The following NLGN1 variants were observed in gnomAD, a reference collection of about 807,000 sequenced individuals.
NLGN1 encodes the protein neuroligin 1, also known as neuroligin-1.
NLGN1 carries 12 observed loss-of-function variants against 65.5 expected under a neutral mutation model. The observed-to-expected ratio is 0.18, with a 90% CI of 0.12 to 0.30. The LOEUF (loss-of-function observed/expected upper bound fraction) is 0.30. NLGN1 is among the 10% of genes least tolerant of loss of function. The pLI, the probability that NLGN1 is intolerant of heterozygous loss-of-function variation, is 1.00. For missense variants in NLGN1, 750 were observed against 1,007.1 expected (o/e 0.74, Z 3.46); for synonymous variants, 350 against 359.5 (o/e 0.97, Z 0.30).
intron 2 of NLGN1, among the ~76,000 whole-genome samples, chr3:173,518,173 C>T (rs974162537): frequency 6.6e-6 from 1 of 152,104 alleles, no homozygotes; most frequent in Non-Finnish European, 1.5e-5. Context: ...AGACAAATTT[C>T]TTTTTGCCAA....
At chr3:173,635,722 AT>A (rs1182133632) in intron 3 of NLGN1, among the ~76,000 whole-genome samples, 1 of 152,102 alleles carries the variant, frequency 6.6e-6, no homozygotes, top group Non-Finnish European at 1.5e-5. Flanking sequence ...ACTGTTATTA[AT>A]TAGAGGCATA....
chr3:173,835,586 C>CACACACACACAT (rs1284990109), intron 4 of NLGN1, among the ~76,000 whole-genome samples: 2 of 149,428 alleles, frequency 1.3e-5, no homozygotes, highest in Non-Finnish European at 3.0e-5. Context: ...CACATACACA[C>CACACACACACAT]ACACACACAC....
intron 2 of NLGN1, among the ~76,000 whole-genome samples, chr3:173,485,590 A>G (rs1390770639): frequency 1.3e-5 from 2 of 152,110 alleles, no homozygotes; most frequent in African/African-American, 2.4e-5. Flanking sequence ...CTCTCTTAAT[A>G]TTTTCAGTTC....
chr3:173,534,432 C>T (rs1186643491), intron 2 of NLGN1, among the ~76,000 whole-genome samples: 1 of 152,126 alleles, frequency 6.6e-6, no homozygotes, highest in Non-Finnish European at 1.5e-5. Context: ...TTCAAACTGG[C>T]CCCAGCTGGG....
At chr3:173,713,219 G>A (rs2149958265) in intron 3 of NLGN1, among the ~76,000 whole-genome samples, 1 of 152,248 alleles carries the variant, frequency 6.6e-6, no homozygotes, top group South Asian at 2.1e-4. Flanking sequence ...ATAATGTGAA[G>A]TAAGAATAAA....
chr3:174,022,450 C>T (rs1361245039), intron 4 of NLGN1, among the ~76,000 whole-genome samples: 1 of 152,078 alleles, frequency 6.6e-6, no homozygotes, highest in Non-Finnish European at 1.5e-5. Context: ...AAGAGAGAGT[C>T]ATCTTTTAAA....
intron 3 of NLGN1, among the ~76,000 whole-genome samples, chr3:173,740,982 A>G (rs1003613043): frequency 1.8e-4 from 28 of 152,176 alleles, no homozygotes; most frequent in African/African-American, 6.8e-4. Flanking sequence ...TTTATAAAAC[A>G]CGCAAAGTAT....
At chr3:173,918,890 A>G (rs1291581086) in intron 4 of NLGN1, among the ~76,000 whole-genome samples, 1 of 152,080 alleles carries the variant, frequency 6.6e-6, no homozygotes, top group African/African-American at 2.4e-5. Flanking sequence ...TGGTGGCTCT[A>G]GTAGAGAATC....
chr3:173,759,399 A>G (rs1777618021), intron 3 of NLGN1, among the ~76,000 whole-genome samples: 1 of 151,974 alleles, frequency 6.6e-6, no homozygotes, highest in Admixed American at 6.6e-5. Context: ...TAGTTTCACC[A>G]CCAACATGGT....
intron 2 of NLGN1, among the ~76,000 whole-genome samples, chr3:173,535,689 T>G (rs1372390508): frequency 6.6e-6 from 1 of 152,224 alleles, no homozygotes; most frequent in Non-Finnish European, 1.5e-5. Flanking sequence ...AAGACCCACT[T>G]TTAATAATGG....
At chr3:173,679,986 G>A (rs897983566) in intron 3 of NLGN1, among the ~76,000 whole-genome samples, 6 of 152,184 alleles carry the variant, frequency 3.9e-5, no homozygotes, top group African/African-American at 1.4e-4. Flanking sequence ...TTCTACAGAA[G>A]AGAAAATATT....
chr3:173,586,735 A>G (rs1017967174), intron 2 of NLGN1, among the ~76,000 whole-genome samples: 1 of 152,126 alleles, frequency 6.6e-6, no homozygotes, highest in Non-Finnish European at 1.5e-5. Context: ...TTACTCTGCT[A>G]TAACCCAATT....
chr3:173,466,825 C>T (rs1184450843), intron 2 of NLGN1, among the ~76,000 whole-genome samples: 4 of 152,124 alleles, frequency 2.6e-5, no homozygotes, highest in African/African-American at 7.2e-5. Context: ...ACTTACCTAA[C>T]GTCTTCAGGG....
chr3:173,867,029 A>G (rs973139143), intron 4 of NLGN1, among the ~76,000 whole-genome samples: 2 of 152,310 alleles, frequency 1.3e-5, no homozygotes, highest in East Asian at 1.9e-4. Flanking sequence ...ACGGCATAGT[A>G]CTATTTTCCA....
At chr3:173,535,444 G>A (rs948477187) in intron 2 of NLGN1, among the ~76,000 whole-genome samples, 4 of 152,150 alleles carry the variant, frequency 2.6e-5, no homozygotes, top group Admixed American at 6.6e-5. Flanking sequence ...ATTAAGTAGC[G>A]TGCATTCTGT....
intron 4 of NLGN1, among the ~76,000 whole-genome samples, chr3:173,899,134 T>C (rs1736867408): frequency 1.3e-5 from 2 of 152,216 alleles, no homozygotes; most frequent in African/African-American, 2.4e-5. Flanking sequence ...TTTCCTCCAG[T>C]GTACCATTCC....
At chr3:173,547,684 T>C (rs1182300599) in intron 2 of NLGN1, among the ~76,000 whole-genome samples, 1 of 152,166 alleles carries the variant, frequency 6.6e-6, no homozygotes, top group Non-Finnish European at 1.5e-5. Flanking sequence ...CGAATTAGAT[T>C]GTTTATTGCA....
intron 2 of NLGN1, among the ~76,000 whole-genome samples, chr3:173,574,616 C>T (rs1745219269): frequency 6.6e-6 from 1 of 152,046 alleles, no homozygotes; most frequent in Admixed American, 6.5e-5. Context: ...ATGAAACTAA[C>T]ATACTTAATG....
chr3:173,903,945 G>T (rs1737858856), intron 4 of NLGN1, among the ~76,000 whole-genome samples: 1 of 151,966 alleles, frequency 6.6e-6, no homozygotes, highest in African/African-American at 2.4e-5. Flanking sequence ...AGACTCAGAA[G>T]GCTCTTCTTT....
Sources: allele counts gnomAD v4.1 joint callset (sites outside exome capture counted in the v4.1 genomes callset), GRCh38; gene constraint gnomAD v4.1.1; transcripts MANE v1.5; gene names NCBI Gene and HGNC (gene_info 2026-07-23, HGNC 2026-07-21).